Variants in ARHGAP24 observed in about 807,000 individuals in gnomAD.
ARHGAP24 encodes the protein rho GTPase-activating protein 24.
A neutral mutation model predicts 76.4 loss-of-function variants in ARHGAP24; 50 were observed. The ratio of observed to expected loss-of-function variants is 0.65; its 90% confidence interval spans 0.52 to 0.83. The LOEUF is 0.83. ARHGAP24 is among the 40% of genes least tolerant of loss of function. The pLI, the probability that ARHGAP24 is intolerant of heterozygous loss-of-function variation, is 0.00. For missense variants in ARHGAP24, 930 were observed against 914.2 expected (o/e 1.02, Z -0.22); for synonymous variants, 345 against 323.3 (o/e 1.07, Z -0.72).
intron 1 of ARHGAP24, among the ~76,000 whole-genome samples, chr4:85,529,603 G>A (rs1461993451): frequency 3.3e-5 from 5 of 151,942 alleles, no homozygotes; most frequent in African/African-American, 1.2e-4. Context: ...GGTATTGTAG[G>A]ATGTCAAGCA....
chr4:85,561,160 TC>T (rs1242353664), intron 1 of ARHGAP24, among the ~76,000 whole-genome samples: 4 of 152,210 alleles, frequency 2.6e-5, no homozygotes, highest in Non-Finnish European at 5.9e-5. Context: ...CAGGATGGTA[TC>T]ATGCAAGGGG....
At chr4:85,977,222 G>GAGATATAA (rs1041201620) in intron 7 of ARHGAP24, among the ~76,000 whole-genome samples, 8 of 152,114 alleles carry the variant, frequency 5.3e-5, no homozygotes, top group Admixed American at 3.9e-4. Flanking sequence ...TAATTGAATA[G>GAGATATAA]AGATATAAAA....
chr4:85,647,582 G>A (rs900084860), intron 2 of ARHGAP24, among the ~76,000 whole-genome samples: 1 of 152,052 alleles, frequency 6.6e-6, no homozygotes, highest in African/African-American at 2.4e-5. Context: ...AAATCAATAG[G>A]AAATTATACT....
chr4:85,946,743 TG>T lies in ARHGAP24; in HGVS notation c.599+4473del, dbSNP rs549129782. On this transcript the variant is annotated intron_variant, in intron 5 of 9. Coordinates refer to ENST00000395184, the MANE Select transcript of ARHGAP24 (RefSeq NM_001025616.3). ...ACCCAGTCCACCATCGATGGCCACT[TG>T]GGTTGATTTCATGTCTTTACTATTG... is the stretch of plus-strand genomic sequence containing the variant. Among the ~76,000 whole-genome samples, 1,255 of 152,330 alleles carry T rather than the reference TG, an allele frequency of 8.2e-3. 14 individuals carry two copies. The highest frequency in any genetic ancestry group is 0.03 in the South Asian group (143 of 4,826).
chr4:85,493,644 A>G (rs1723446581), intron 1 of ARHGAP24, among the ~76,000 whole-genome samples: 1 of 152,280 alleles, frequency 6.6e-6, no homozygotes, highest in South Asian at 2.1e-4. Flanking sequence ...CTGGTACCAC[A>G]AGACACTCTA....
chr4:85,770,273 T>C (rs956633913), intron 3 of ARHGAP24, among the ~76,000 whole-genome samples: 1 of 152,172 alleles, frequency 6.6e-6, no homozygotes, highest in Non-Finnish European at 1.5e-5. Flanking sequence ...CTGTATAAAC[T>C]CAAGAATCTT....
chr4:85,667,180 A>C (rs574268391), intron 2 of ARHGAP24, among the ~76,000 whole-genome samples: 10 of 152,108 alleles, frequency 6.6e-5, no homozygotes, highest in South Asian at 4.2e-4. Context: ...TGTTTTGTTT[A>C]CCTAAGGAAG....
At chr4:85,820,950 T>C (rs1225646761) in intron 3 of ARHGAP24, among the ~76,000 whole-genome samples, 1 of 152,110 alleles carries the variant, frequency 6.6e-6, no homozygotes, top group Non-Finnish European at 1.5e-5. Context: ...TTTGCAGGCA[T>C]TGAAAATAAC....
intron 3 of ARHGAP24, among the ~76,000 whole-genome samples, chr4:85,917,467 A>G (rs1735480261): frequency 6.6e-6 from 1 of 151,916 alleles, no homozygotes; most frequent in South Asian, 2.1e-4. Context: ...TTCTAGTTCT[A>G]GATCCCTGAG....
chr4:85,621,328 C>T (rs1402586710), intron 2 of ARHGAP24, among the ~76,000 whole-genome samples: 1 of 151,954 alleles, frequency 6.6e-6, no homozygotes, highest in Non-Finnish European at 1.5e-5. Flanking sequence ...TTTTTAGTTC[C>T]TTGAGGAGTT....
intron 1 of ARHGAP24, among the ~76,000 whole-genome samples, chr4:85,564,402 GGGA>G (rs1222981099): frequency 6.2e-5 from 9 of 145,066 alleles, no homozygotes; most frequent in South Asian, 2.1e-4. Context: ...GTGGGGTGGG[GGGA>G]GCGGGGGGGA....
chr4:85,855,104 A>C (rs950720320), intron 3 of ARHGAP24, among the ~76,000 whole-genome samples: 1 of 152,216 alleles, frequency 6.6e-6, no homozygotes, highest in East Asian at 1.9e-4. Context: ...ATAGTATTCA[A>C]TTTTGAAAAA....
At chr4:85,711,314 A>G (rs1307587247) in intron 2 of ARHGAP24, among the ~76,000 whole-genome samples, 2 of 146,730 alleles carry the variant, frequency 1.4e-5, no homozygotes, top group African/African-American at 4.9e-5. Context: ...TACCTGGGTG[A>G]CAAAAAAATC....
chr4:85,686,151 C>T (rs1723415883), intron 2 of ARHGAP24, among the ~76,000 whole-genome samples: 1 of 152,146 alleles, frequency 6.6e-6, no homozygotes, highest in Admixed American at 6.5e-5. Flanking sequence ...CAGAAATTGG[C>T]ACAGATTCAA....
At chr4:85,559,059 T>C (rs894963168) in intron 1 of ARHGAP24, among the ~76,000 whole-genome samples, 2 of 152,148 alleles carry the variant, frequency 1.3e-5, no homozygotes, top group African/African-American at 4.8e-5. Flanking sequence ...AGGGGCTCTA[T>C]AAATTATAGG....
intron 2 of ARHGAP24, among the ~76,000 whole-genome samples, chr4:85,600,778 C>G (rs1720003602): frequency 6.6e-6 from 1 of 152,214 alleles, no homozygotes; most frequent in South Asian, 2.1e-4. Context: ...GCTTATTCAA[C>G]TCTTTTAGCA....
chr4:85,581,151 C>A (rs961147211), intron 2 of ARHGAP24, among the ~76,000 whole-genome samples: 1 of 151,840 alleles, frequency 6.6e-6, no homozygotes, highest in Non-Finnish European at 1.5e-5. Context: ...AGCTAGGTAC[C>A]TTGCCATATA....
intron 2 of ARHGAP24, among the ~76,000 whole-genome samples, chr4:85,643,195 C>T (rs1721588331): frequency 7.2e-6 from 1 of 139,838 alleles, no homozygotes; most frequent in Admixed American, 7.7e-5. Context: ...TACCCCTTAA[C>T]CTGGTTCTAC....
intron 3 of ARHGAP24, among the ~76,000 whole-genome samples, chr4:85,818,539 T>C (rs745671966): frequency 1.3e-5 from 2 of 152,168 alleles, no homozygotes; most frequent in African/African-American, 2.4e-5. Context: ...TTAGCGTAAT[T>C]TGAGACCATG....
Sources: allele counts gnomAD v4.1 joint callset (sites outside exome capture counted in the v4.1 genomes callset), GRCh38; gene constraint gnomAD v4.1.1; transcripts MANE v1.5; gene names NCBI Gene and HGNC (gene_info 2026-07-23, HGNC 2026-07-21).